The following DEPTOR variants were observed in gnomAD, a reference collection of about 807,000 sequenced individuals.
DEPTOR encodes the protein DEP domain containing MTOR interacting protein, also known as DEP domain-containing mTOR-interacting protein.
Under a neutral mutation model 41.6 loss-of-function variants are expected in DEPTOR, and 41 were observed. The ratio of observed to expected loss-of-function variants is 0.98; its 90% confidence interval spans 0.77 to 1.28. The LOEUF is 1.28. Ranked by LOEUF, DEPTOR falls within the 50% of genes most tolerant of loss-of-function variation. The pLI, the probability that DEPTOR is intolerant of heterozygous loss-of-function variation, is 0.00. For synonymous variants in DEPTOR, 195 were observed against 192.3 expected (o/e 1.01, Z -0.12); for missense variants, 514 against 527.9 (o/e 0.97, Z 0.26).
intron 4 of DEPTOR, among the ~76,000 whole-genome samples, chr8:119,982,455 T>C (rs1225829327): frequency 6.6e-6 from 1 of 152,216 alleles, no homozygotes; most frequent in Non-Finnish European, 1.5e-5. Flanking sequence ...GAATTTGGGA[T>C]GCTAGCTGGG....
At chr8:119,975,747 G>T (rs917802383) in intron 4 of DEPTOR, among the ~76,000 whole-genome samples, 3 of 151,996 alleles carry the variant, frequency 2.0e-5, no homozygotes, top group African/African-American at 7.2e-5. Context: ...AGAAAAGAGG[G>T]CTCAAAGGAG....
At chr8:119,980,817 C>T (rs1188214347) in intron 4 of DEPTOR, among the ~76,000 whole-genome samples, 4 of 152,058 alleles carry the variant, frequency 2.6e-5, no homozygotes, top group East Asian at 1.9e-4. Context: ...TGTGCCCAGC[C>T]GCATTTCATT....
intron 4 of DEPTOR, among the ~76,000 whole-genome samples, chr8:119,992,427 T>C (rs1812186705): frequency 6.6e-6 from 1 of 152,182 alleles, no homozygotes; most frequent in African/African-American, 2.4e-5. Context: ...TTCAGTCTAC[T>C]AAGTTGTTTA....
intron 8 of DEPTOR, among the ~76,000 whole-genome samples, chr8:120,048,938 A>G (rs1813192004): frequency 6.6e-6 from 1 of 152,210 alleles, no homozygotes; most frequent in South Asian, 2.1e-4. Context: ...TCTTTTCCAC[A>G]GTGACAGAGC....
chr8:119,970,973 G>A (rs1009213691), intron 4 of DEPTOR, among the ~76,000 whole-genome samples: 1 of 152,200 alleles, frequency 6.6e-6, no homozygotes, highest in African/African-American at 2.4e-5. Flanking sequence ...GCTCACACCC[G>A]TAATCCCAGC....
At chr8:119,945,653 T>C (rs1229539393) in intron 3 of DEPTOR, among the ~76,000 whole-genome samples, 1 of 152,216 alleles carries the variant, frequency 6.6e-6, no homozygotes, top group Non-Finnish European at 1.5e-5. Flanking sequence ...TTGAATGCCA[T>C]GTTCAGCATG....
chr8:119,952,213 A>G (rs149114099), intron 3 of DEPTOR, among the ~76,000 whole-genome samples: 4 of 152,350 alleles, frequency 2.6e-5, no homozygotes, highest in African/African-American at 9.6e-5. Context: ...CAAGACCTGT[A>G]TGGATTGCTC....
intron 3 of DEPTOR, among the ~76,000 whole-genome samples, chr8:119,938,213 T>C (rs1828137317): frequency 6.6e-6 from 1 of 152,238 alleles, no homozygotes; most frequent in South Asian, 2.1e-4. Flanking sequence ...TCTTATTTCT[T>C]TATTTTTTGT....
At chr8:119,900,356 A>AATTTTCT (rs71304919) in intron 1 of DEPTOR, among the ~76,000 whole-genome samples, 1 of 104,678 alleles carries the variant, frequency 9.6e-6, no homozygotes, top group Non-Finnish European at 1.7e-5. Context: ...AAAAAAAACT[A>AATTTTCT]AATGTCTATT....
chr8:119,959,910 G>A (rs190628088), intron 3 of DEPTOR, among the ~76,000 whole-genome samples: 1 of 152,028 alleles, frequency 6.6e-6, no homozygotes, highest in African/African-American at 2.4e-5. Flanking sequence ...CTTATACCTT[G>A]TATACTCTTA....
intron 3 of DEPTOR, among the ~76,000 whole-genome samples, chr8:119,945,833 C>T (rs1295795715): frequency 3.3e-5 from 5 of 152,094 alleles, no homozygotes; most frequent in Non-Finnish European, 7.3e-5. Context: ...CTGTGCTAAA[C>T]GTTCTAAGAC....
chr8:119,929,828 T>A lies in DEPTOR; in HGVS notation c.315T>A (p.His105Gln), dbSNP rs536213510. The stretch of plus-strand genomic sequence containing the variant: ...ATTGTGTTTCAGTGTGTGATGAGCA[T>A]AAGGAATTCAAGGATGTCAAACTCT... ...RGIIHHVCDE[H>Q]KEFKDVKLFY... The change falls in exon 3 of 9, where the codon CAT becomes CAA. Residue 105 changes from histidine (H) to glutamine (Q), a missense_variant. Physicochemically the swap from His to Gln is conservative, Grantham distance 24. Coordinates refer to ENST00000286234, the MANE Select transcript of DEPTOR (RefSeq NM_022783.4). 6.8e-6 allele frequency: 11 copies of A among 1,613,096 alleles called. No individual in the cohort carries two copies. The highest frequency in any genetic ancestry group is 1.7e-5 in the Admixed American group (1 of 59,962).
chr8:119,976,417 T>C (rs1319860822), intron 4 of DEPTOR, among the ~76,000 whole-genome samples: 1 of 152,126 alleles, frequency 6.6e-6, no homozygotes, highest in Non-Finnish European at 1.5e-5. Flanking sequence ...CAAAAATGTA[T>C]TGAATGAACA....
intron 1 of DEPTOR, among the ~76,000 whole-genome samples, chr8:119,918,959 GTGTGTGTA>G (rs373854939): frequency 0.22 from 32,899 of 149,272 alleles, 3,777 homozygotes; most frequent in Middle Eastern, 0.35. Context: ...GTGTGTGTGT[GTGTGTGTA>G]TGTGTATGTG....
At chr8:119,923,893 C>CTTTTTTTTTTTTTTTTTTT (rs769960283) in intron 1 of DEPTOR, among the ~76,000 whole-genome samples, 1 of 104,980 alleles carries the variant, frequency 9.5e-6, no homozygotes, top group Non-Finnish European at 2.2e-5. Flanking sequence ...TTTTTTCTTT[C>CTTTTTTTTTTTTTTTTTTT]TTTTTTTTTT....
intron 4 of DEPTOR, among the ~76,000 whole-genome samples, chr8:119,990,689 T>C (rs1463692076): frequency 1.3e-5 from 2 of 152,214 alleles, no homozygotes; most frequent in Non-Finnish European, 2.9e-5. Flanking sequence ...GTTATAACTT[T>C]GTGAATGTGA....
chr8:119,976,851 T>TC (rs1828701615), intron 4 of DEPTOR, among the ~76,000 whole-genome samples: 1 of 151,546 alleles, frequency 6.6e-6, no homozygotes, highest in African/African-American at 2.4e-5. Flanking sequence ...TGTTCCACCC[T>TC]CCCCCCGCAC....
intron 1 of DEPTOR, among the ~76,000 whole-genome samples, chr8:119,914,364 T>A (rs1211229222): frequency 6.6e-6 from 1 of 151,926 alleles, no homozygotes; most frequent in African/African-American, 2.4e-5. Context: ...CATAATGCAA[T>A]GTTGGCTCTG....
At chr8:120,017,271 A>G (rs901272321) in intron 8 of DEPTOR, among the ~76,000 whole-genome samples, 2 of 152,186 alleles carry the variant, frequency 1.3e-5, no homozygotes, top group African/African-American at 4.8e-5. Flanking sequence ...TTACTTTACA[A>G]ATGAGGAAAC....
Sources: allele counts gnomAD v4.1 joint callset (sites outside exome capture counted in the v4.1 genomes callset), GRCh38; gene constraint gnomAD v4.1.1; transcripts MANE v1.5; gene names NCBI Gene and HGNC (gene_info 2026-07-23, HGNC 2026-07-21).